CASR: variants seen among roughly 807,000 people sequenced by gnomAD.
CASR encodes calcium sensing receptor, also known as extracellular calcium-sensing receptor.
A neutral mutation model predicts 69.1 loss-of-function variants in CASR; 23 were observed. The ratio of observed to expected loss-of-function variants is 0.33; its 90% CI spans 0.24 to 0.47. The LOEUF is 0.47. CASR is among the 20% of genes least tolerant of loss of function. The pLI, the probability that CASR is intolerant of heterozygous loss-of-function variation, is 1.00. For synonymous variants in CASR, 541 were observed against 544.7 expected (o/e 0.99, Z 0.10); for missense variants, 924 against 1,356.1 (o/e 0.68, Z 5.00).
intron 2 of CASR, 134 bp from the exon 3 acceptor site, chr3:122,256,947 G>T: frequency 1.3e-6 from 1 of 772,588 alleles, no homozygotes; most frequent in Non-Finnish European, 2.2e-6. Context: ...AACAGAGAGG[G>T]CTCTGTACAG....
chr3:122,202,220 C>A (rs1474589547), intron 1 of CASR, among the ~76,000 whole-genome samples: 1 of 152,240 alleles, frequency 6.6e-6, no homozygotes, highest in Non-Finnish European at 1.5e-5. Flanking sequence ...AGCTGGAGAC[C>A]AGCCCGGCCA....
intron 1 of CASR, among the ~76,000 whole-genome samples, chr3:122,228,942 C>T (rs2074254212): frequency 6.6e-6 from 1 of 152,184 alleles, no homozygotes; most frequent in Admixed American, 6.5e-5. Flanking sequence ...TCAAATGCAT[C>T]CCTCAGATAT....
intron 3 of CASR, among the ~76,000 whole-genome samples, chr3:122,258,373 T>C (rs2074579770): frequency 6.6e-6 from 1 of 151,304 alleles, no homozygotes; most frequent in Non-Finnish European, 1.5e-5. Context: ...TTTTTTTTTT[T>C]TTTTTGGTGA....
At chr3:122,267,884 T>A (rs577259842) in intron 4 of CASR, among the ~76,000 whole-genome samples, 6 of 152,360 alleles carry the variant, frequency 3.9e-5, no homozygotes. Flanking sequence ...TGGCCCCTCA[T>A]GTTGCCACAA....
chr3:122,225,384 GA>G (rs1000707991), intron 1 of CASR, among the ~76,000 whole-genome samples: 25 of 144,772 alleles, frequency 1.7e-4, no homozygotes, highest in African/African-American at 6.1e-4. Flanking sequence ...GAAAAAAAAA[GA>G]AAAAAAAACA....
At chr3:122,281,253 G>T (rs551071543) in intron 5 of CASR, among the ~76,000 whole-genome samples, 2 of 152,350 alleles carry the variant, frequency 1.3e-5, no homozygotes, top group African/African-American at 4.8e-5. Context: ...TGGCATTTTA[G>T]CCTGGGCCTG....
At chr3:122,237,266 C>T (rs2074337725) in intron 1 of CASR, among the ~76,000 whole-genome samples, 1 of 152,006 alleles carries the variant, frequency 6.6e-6, no homozygotes, top group African/African-American at 2.4e-5. Context: ...TGCACCACCA[C>T]GCCCGACTAA....
At chr3:122,265,497 A>G (rs1250019205) in intron 4 of CASR, among the ~76,000 whole-genome samples, 1 of 152,150 alleles carries the variant, frequency 6.6e-6, no homozygotes, top group Non-Finnish European at 1.5e-5. Flanking sequence ...CCATGCCTGT[A>G]TTGTTCAGTA....
intron 1 of CASR, among the ~76,000 whole-genome samples, chr3:122,200,228 C>T (rs2073928728): frequency 6.6e-6 from 1 of 152,088 alleles, no homozygotes; most frequent in African/African-American, 2.4e-5. Flanking sequence ...TTTGAAAGCT[C>T]CCAACACAAA....
At chr3:122,271,044 A>G (rs1026527926) in intron 4 of CASR, among the ~76,000 whole-genome samples, 3 of 152,140 alleles carry the variant, frequency 2.0e-5, no homozygotes, top group Non-Finnish European at 4.4e-5. Flanking sequence ...TAAGTCTTTT[A>G]TATTTGTATT....
At chr3:122,282,300 A>C in intron 6 of CASR, 64 bp downstream of exon 6, 5 of 1,506,784 alleles carry the variant, frequency 3.3e-6, no homozygotes, top group Non-Finnish European at 4.6e-6. Context: ...GGGGTCAGTG[A>C]AGCCCATGGA....
In CASR at chr3:122,287,465, T is replaced by A. The variant is rs1332681711; in HGVS notation, c.*2274T>A. On this transcript the variant is annotated 3_prime_UTR_variant, in exon 7 of 7. Transcript: ENST00000639785. ...ACTTAATTTCTATCTCAAATTCCCC[T>A]CCAGCCTAGTGACAGAAACTTCATC... The A allele has an allele frequency of 6.6e-6, 1 of 152,250 alleles. No homozygotes were observed. Among genetic ancestry groups the A allele is most frequent in the African/African-American group, 2.4e-5 (1 of 41,462 alleles). 9.4% of individuals were successfully genotyped at this position (152,250 alleles called of 1,614,324 possible). A position where few individuals can be genotyped will look rare whatever the true frequency, so the allele number is the denominator to read the frequency against.
At position 122,286,596 on chromosome 3, in the gene CASR, C is replaced by A. The variant is rs2074972172; in HGVS notation, c.*1405C>A. On this transcript the variant is annotated 3_prime_UTR_variant, in exon 7 of 7. Transcript: ENST00000639785. ...TACTGCCTAGCCCACTGATCACAAT[C>A]ACTCTCTCTGTAATAAGCCCAAGAG... is the stretch of plus-strand genomic sequence containing the variant. The A allele has an allele frequency of 6.6e-6, 1 of 152,202 alleles. No homozygotes were observed. Among genetic ancestry groups the A allele is most frequent in the African/African-American group, 2.4e-5 (1 of 41,438 alleles). 9.4% of individuals were successfully genotyped at this position (152,202 alleles called of 1,614,324 possible).
At chr3:122,233,344 A>G (rs1404386693) in intron 1 of CASR, among the ~76,000 whole-genome samples, 1 of 152,190 alleles carries the variant, frequency 6.6e-6, no homozygotes, top group Non-Finnish European at 1.5e-5. Flanking sequence ...GCCACCCTAC[A>G]CTTTGCTCTC....
intron 4 of CASR, among the ~76,000 whole-genome samples, chr3:122,275,382 C>A (rs79133685): frequency 6.6e-6 from 1 of 152,176 alleles, no homozygotes; most frequent in Non-Finnish European, 1.5e-5. Context: ...AAGGAAAGTG[C>A]GGAGAATAAG....
At chr3:122,258,862 C>A (rs1005099847) in intron 3 of CASR, among the ~76,000 whole-genome samples, 2 of 152,062 alleles carry the variant, frequency 1.3e-5, no homozygotes, top group Non-Finnish European at 1.5e-5. Context: ...AGCTGAGATG[C>A]AGCCTAGGTG....
chr3:122,198,790 T>G (rs1229740433), intron 1 of CASR, among the ~76,000 whole-genome samples: 3 of 151,834 alleles, frequency 2.0e-5, no homozygotes, highest in African/African-American at 7.2e-5. Context: ...ATTATAAAAT[T>G]GTCATTCATA....
chr3:122,261,997 C>T lies in CASR; in HGVS notation c.962C>T (p.Ala321Val). ...FHVVGGTIGF[A>V]LKAGQIPGFR... ...GTGGTTGGCGGCACCATTGGATTCG[C>T]TCTGAAGGCTGGGCAGATCCCAGGC... The change falls in exon 4 of 7, where the codon GCT (alanine) becomes GTT (valine). Residue 321 changes from alanine (A) to valine (V), a missense_variant. By Grantham distance (64) the Ala-to-Val change is moderately conservative. Around this residue, in one of 8 missense-constraint regions of CASR, gnomAD observed 310 missense variants for 395.7 expected, o/e 0.78. Transcript: ENST00000639785. 6.2e-7 allele frequency: 1 copy of T among 1,614,236 alleles called. No individual in the cohort carries two copies. The highest frequency in any genetic ancestry group is 1.1e-5 in the South Asian group (1 of 91,084).
chr3:122,262,565 T>G (rs972067265), intron 4 of CASR, among the ~76,000 whole-genome samples, 153 bp downstream of exon 4: 2 of 152,220 alleles, frequency 1.3e-5, no homozygotes, highest in African/African-American at 4.8e-5. Context: ...TTTTAAATCT[T>G]GAGCAACTGA....
Sources: allele counts gnomAD v4.1 joint callset (sites outside exome capture counted in the v4.1 genomes callset), GRCh38; gene constraint gnomAD v4.1.1; regional missense constraint gnomAD v4.1.1; transcripts MANE v1.5; gene names NCBI Gene and HGNC (gene_info 2026-07-23, HGNC 2026-07-21).